LUZP2: variants seen among roughly 807,000 people sequenced by gnomAD.
LUZP2 encodes leucine zipper protein 2.
Under a neutral mutation model 51.6 loss-of-function variants are expected in LUZP2, and 52 were observed. That is an observed-to-expected ratio of 1.01 (90% CI 0.81 to 1.27). The LOEUF (loss-of-function observed/expected upper bound fraction) is 1.27, where lower values mean the gene tolerates loss of function less well. Among genes scored for constraint, LUZP2 ranks in the 50% most tolerant of loss-of-function variants. The pLI is 0.00. For synonymous variants in LUZP2, 154 were observed against 137.3 expected (o/e 1.12, Z -0.85); for missense variants, 436 against 395.4 (o/e 1.10, Z -0.87).
At chr11:24,852,258 CCT>C (rs1475701844) in intron 5 of LUZP2, among the ~76,000 whole-genome samples, 1 of 152,114 alleles carries the variant, frequency 6.6e-6, no homozygotes, top group African/African-American at 2.4e-5. Context: ...TATAAATTTC[CCT>C]CTAAACACTG....
intron 1 of LUZP2, among the ~76,000 whole-genome samples, chr11:24,529,300 CA>C (rs1003405161): frequency 1.3e-5 from 2 of 150,816 alleles, no homozygotes; most frequent in African/African-American, 4.8e-5. Flanking sequence ...TACATATATC[CA>C]TGTATATATT....
chr11:24,722,020 C>G (rs1858289222), intron 1 of LUZP2, among the ~76,000 whole-genome samples: 1 of 152,048 alleles, frequency 6.6e-6, no homozygotes, highest in Non-Finnish European at 1.5e-5. Context: ...AAAAATGGCA[C>G]TGCAAAATAT....
At chr11:24,749,832 G>C (rs1859511203) in intron 4 of LUZP2, among the ~76,000 whole-genome samples, 2 of 152,108 alleles carry the variant, frequency 1.3e-5, no homozygotes, top group Non-Finnish European at 2.9e-5. Context: ...ATCAGCCACA[G>C]ACTGAAGGCT....
At chr11:25,065,269 A>G (rs571488802) in intron 10 of LUZP2, among the ~76,000 whole-genome samples, 27 of 152,172 alleles carry the variant, frequency 1.8e-4, no homozygotes, top group Middle Eastern at 3.4e-3. Context: ...GTACATCTTT[A>G]TTAAGGGCCA....
rs147033768 is a variant in LUZP2, at chr11:24,909,151, T to A, written c.459+3098T>A. Among the ~76,000 whole-genome samples, 336 of 150,688 alleles carry A rather than the reference T, an allele frequency of 2.2e-3. 2 individuals carry two copies. Among genetic ancestry groups the A allele is most frequent in the African/African-American group, 6.9e-3 (285 of 41,238 alleles). ...AAACCCCTAAAACATTTTTTAAAAATATATATATATATAATTATAGCAAAG... is the reference window on the plus strand; with the variant it reads ...AAACCCCTAAAACATTTTTTAAAAAAATATATATATATAATTATAGCAAAG... On this transcript the variant is annotated intron_variant, in intron 6 of 11. Coordinates refer to ENST00000336930, the MANE Select transcript of LUZP2 (RefSeq NM_001009909.4).
At chr11:24,678,294 G>C (rs866108822) in intron 1 of LUZP2, among the ~76,000 whole-genome samples, 8 of 152,168 alleles carry the variant, frequency 5.3e-5, no homozygotes, top group Admixed American at 2.6e-4. Context: ...ATGAATAAAA[G>C]AATGCATATC....
intron 8 of LUZP2, among the ~76,000 whole-genome samples, chr11:24,980,985 C>A (rs1164287104): frequency 1.3e-5 from 2 of 151,710 alleles, no homozygotes; most frequent in South Asian, 2.1e-4. Context: ...CTGCAGGGAG[C>A]GGAAAGACAG....
At chr11:25,077,561 GCAATCTCGGCT>G (rs1349781364) in intron 11 of LUZP2, among the ~76,000 whole-genome samples, 155 bp downstream of exon 11, 1 of 150,812 alleles carries the variant, frequency 6.6e-6, no homozygotes, top group East Asian at 2.0e-4. Flanking sequence ...GTGCAGTGGC[GCAATCTCGGCT>G]CACTGCAAAC....
intron 1 of LUZP2, among the ~76,000 whole-genome samples, chr11:24,612,307 G>C (rs1317716360): frequency 6.6e-6 from 1 of 152,060 alleles, no homozygotes; most frequent in Admixed American, 6.6e-5. Flanking sequence ...GTTAATTTTA[G>C]TTTTGAAAAC....
intron 7 of LUZP2, among the ~76,000 whole-genome samples, chr11:24,954,302 A>G (rs368240333): frequency 6.6e-6 from 1 of 152,022 alleles, no homozygotes; most frequent in Non-Finnish European, 1.5e-5. Context: ...GCCATGAAGC[A>G]ATATTTTATC....
intron 4 of LUZP2, chr11:24,751,485 G>C: frequency 3.5e-6 from 2 of 573,838 alleles, no homozygotes; most frequent in Non-Finnish European, 4.4e-6. Context: ...GGCCTCTCCT[G>C]TCATCAAGGT....
chr11:24,918,691 G>GT (rs994765290), intron 7 of LUZP2, among the ~76,000 whole-genome samples: 15 of 150,784 alleles, frequency 9.9e-5, no homozygotes, highest in African/African-American at 3.7e-4. Context: ...TCAAAAAAGT[G>GT]TCAAAAAATA....
At chr11:24,950,516 A>AATT (rs2133862696) in intron 7 of LUZP2, among the ~76,000 whole-genome samples, 1 of 151,718 alleles carries the variant, frequency 6.6e-6, no homozygotes, top group Admixed American at 6.6e-5. Context: ...TGACAGATAC[A>AATT]ATTATGAGGC....
At chr11:24,558,862 G>A (rs970732432) in intron 1 of LUZP2, among the ~76,000 whole-genome samples, 3 of 152,176 alleles carry the variant, frequency 2.0e-5, no homozygotes, top group Non-Finnish European at 4.4e-5. Context: ...ACTAGACATT[G>A]AATCTGATGA....
At chr11:24,700,084 T>A (rs1166676468) in intron 1 of LUZP2, among the ~76,000 whole-genome samples, 2 of 133,346 alleles carry the variant, frequency 1.5e-5, no homozygotes, top group Admixed American at 1.7e-4. Flanking sequence ...TTTTTTGAGA[T>A]GGACTTCCAC....
chr11:24,820,083 C>A (rs1850311443), intron 5 of LUZP2, among the ~76,000 whole-genome samples: 1 of 152,084 alleles, frequency 6.6e-6, no homozygotes, highest in African/African-American at 2.4e-5. Context: ...TCTGTATGTA[C>A]TCTCAAGGAA....
intron 9 of LUZP2, among the ~76,000 whole-genome samples, chr11:25,002,076 G>A (rs183194507): frequency 2.1e-3 from 326 of 152,344 alleles, no homozygotes; most frequent in Non-Finnish European, 4.2e-3. Flanking sequence ...ATTGCAGCAT[G>A]GGCATGAAGG....
chr11:24,674,627 G>A (rs1023940631), intron 1 of LUZP2, among the ~76,000 whole-genome samples: 1 of 151,996 alleles, frequency 6.6e-6, no homozygotes, highest in Admixed American at 6.6e-5. Context: ...AAGGTCACAT[G>A]CTTATATGCA....
At chr11:24,818,318 TTTAA>T (rs1166888597) in intron 5 of LUZP2, among the ~76,000 whole-genome samples, 1 of 152,042 alleles carries the variant, frequency 6.6e-6, no homozygotes, top group East Asian at 1.9e-4. Flanking sequence ...TATGAGAATG[TTTAA>T]TTAAATTTAT....
Sources: gnomAD v4.1 joint callset for allele counts (sites outside exome capture counted in the v4.1 genomes callset) on GRCh38, gnomAD v4.1.1 for gene constraint, MANE v1.5 for transcripts, NCBI Gene and HGNC (gene_info 2026-07-23, HGNC 2026-07-21) for gene names.